MANEA: variants seen among roughly 807,000 people sequenced by gnomAD.
MANEA encodes mannosidase endo-alpha.
Under a neutral mutation model 36.8 loss-of-function variants are expected in MANEA, and 25 were observed. The ratio of observed to expected loss-of-function variants is 0.68; its 90% CI spans 0.50 to 0.95. MANEA has a LOEUF of 0.95. MANEA is among the 40% of genes least tolerant of loss of function. The pLI is 0.00. For missense variants in MANEA, 565 were observed against 558.8 expected, an observed-to-expected ratio of 1.01 and a Z score of -0.11; for synonymous variants, 198 against 188.5, an observed-to-expected ratio of 1.05 and a Z score of -0.41.
intron 1 of MANEA, among the ~76,000 whole-genome samples, chr6:95,578,010 G>T (rs1312204857): frequency 6.6e-6 from 1 of 152,212 alleles, no homozygotes; most frequent in African/African-American, 2.4e-5. Context: ...TCGGATGGAA[G>T]CCTTTTTCAG....
intron 2 of MANEA, among the ~76,000 whole-genome samples, chr6:95,591,094 T>G (rs1324583821): frequency 6.6e-6 from 1 of 152,242 alleles, no homozygotes; most frequent in Non-Finnish European, 1.5e-5. Context: ...AGTTTGCTGA[T>G]CACTCTTTTC....
At chr6:95,596,924 G>C in intron 3 of MANEA, 78 bp downstream of exon 3, 1 of 610,976 alleles carries the variant, frequency 1.6e-6, no homozygotes, top group South Asian at 2.9e-5. Context: ...TTTTGAAATA[G>C]TAATTTTAAT....
chr6:95,597,051 A>T (rs1769495557), intron 3 of MANEA, among the ~76,000 whole-genome samples: 1 of 151,904 alleles, frequency 6.6e-6, no homozygotes, highest in Non-Finnish European at 1.5e-5. Context: ...TATGTTTCTA[A>T]TGTTTTATTT....
intron 2 of MANEA, among the ~76,000 whole-genome samples, chr6:95,594,503 T>C (rs1562198482): frequency 6.6e-6 from 1 of 152,184 alleles, no homozygotes; most frequent in Admixed American, 6.5e-5. Context: ...ATGAAGGTAA[T>C]TTTTAGAAGT....
Position 95,606,663 on chromosome 6 carries a change from T to C in MANEA, c.*258T>C, listed in dbSNP as rs1177398158. On this transcript the variant is annotated 3_prime_UTR_variant, in exon 5 of 5. Coordinates refer to ENST00000358812, the MANE Select transcript of MANEA (RefSeq NM_024641.4). ...GCATTTCTGACTGAAATCAAAATTCTGATTTGATGGCAATTGAATTTTCAT... is the reference window on the plus strand; with the variant it reads ...GCATTTCTGACTGAAATCAAAATTCCGATTTGATGGCAATTGAATTTTCAT... 4.7e-6 allele frequency: 1 copy of C among 211,718 alleles called. No homozygotes were observed. The highest frequency in any genetic ancestry group is 2.3e-5 in the African/African-American group (1 of 43,342). 13.1% of individuals were successfully genotyped at this position (211,718 alleles called of 1,614,324 possible).
intron 2 of MANEA, among the ~76,000 whole-genome samples, chr6:95,596,492 C>T (rs560612393): frequency 6.6e-6 from 1 of 152,094 alleles, no homozygotes; most frequent in East Asian, 1.9e-4. Context: ...TTTATGTAAA[C>T]CTAAAACTTA....
intron 1 of MANEA, among the ~76,000 whole-genome samples, chr6:95,583,441 A>C (rs1263062184): frequency 6.6e-6 from 1 of 152,132 alleles, no homozygotes; most frequent in Admixed American, 6.5e-5. Context: ...ATATGCACAT[A>C]CACACGTTTA....
At chr6:95,603,559 T>C (rs1174099879) in intron 3 of MANEA, among the ~76,000 whole-genome samples, 2 of 151,940 alleles carry the variant, frequency 1.3e-5, no homozygotes, top group African/African-American at 4.8e-5. Flanking sequence ...TTTTTAAATA[T>C]TATTTAACTT....
chr6:95,599,453 T>G (rs1769548934), intron 3 of MANEA, among the ~76,000 whole-genome samples: 1 of 151,758 alleles, frequency 6.6e-6, no homozygotes, highest in Non-Finnish European at 1.5e-5. Flanking sequence ...TTCTTTTAAC[T>G]AGAGACCACT....
intron 3 of MANEA, 21 bp downstream of exon 3, chr6:95,596,867 G>A (rs772343724): frequency 5.3e-5 from 66 of 1,246,706 alleles, no homozygotes; most frequent in Non-Finnish European, 7.4e-5. Context: ...TTATTTTCAA[G>A]CTATACATAA....
chr6:95,587,014 T>G (rs779610366), intron 2 of MANEA, 31 bp downstream of exon 2: 15 of 1,296,082 alleles, frequency 1.2e-5, no homozygotes, highest in Non-Finnish European at 1.7e-5. Flanking sequence ...TATGTGTGTT[T>G]GTGTCTGTAT....
intron 1 of MANEA, among the ~76,000 whole-genome samples, chr6:95,578,493 TATAAA>T (rs1047403590): frequency 6.6e-6 from 1 of 152,086 alleles, no homozygotes; most frequent in African/African-American, 2.4e-5. Context: ...GAAACAAAAA[TATAAA>T]GTAAAACCTA....
In MANEA at chr6:95,605,933, A is replaced by G; in HGVS notation, c.917A>G (p.Glu306Gly). 7.4e-6 allele frequency: 12 copies of G among 1,614,062 alleles called. No individual in the cohort carries two copies. The highest frequency in any genetic ancestry group is 1.0e-5 in the Non-Finnish European group (12 of 1,179,972). ...DGLFIALLVE[E>G]KHKYDILQSG... is the part of the protein sequence containing the mutation. ...CTGTTTATTGCCCTTCTGGTAGAAG[A>G]AAAACATAAGTATGATATTCTTCAA... is the stretch of plus-strand genomic sequence containing the variant. The change falls in exon 5 of 5, where the codon GAA becomes GGA. Residue 306 changes from glutamate to glycine, a missense_variant. Transcript: ENST00000358812.
At chr6:95,587,249 A>G in intron 2 of MANEA, 1 of 397,816 alleles carries the variant, frequency 2.5e-6, no homozygotes. Flanking sequence ...TCTCAATTTT[A>G]TTAAATTATG....
intron 3 of MANEA, among the ~76,000 whole-genome samples, chr6:95,597,538 G>T (rs1351774940): frequency 6.6e-6 from 1 of 152,008 alleles, no homozygotes; most frequent in East Asian, 1.9e-4. Flanking sequence ...GTATTAGGTA[G>T]CAACATTAAT....
In MANEA at chr6:95,581,037, C is replaced by T. The variant is rs577206167; in HGVS notation, c.-39+3399C>T. 2.0e-5 allele frequency among the ~76,000 whole-genome samples: 3 copies of T among 152,284 alleles called. 1 individual carries two copies. The highest frequency in any genetic ancestry group is 1.9e-4 in the East Asian group (1 of 5,184). On this transcript the variant is annotated intron_variant, in intron 1 of 4. Transcript: ENST00000358812. ...AGAGTTTTACAATATTAACTAATTT[C>T]ATCCTCACAAAAATCCTATGAGTGA...
At chr6:95,584,027 C>G (rs773472127) in intron 1 of MANEA, among the ~76,000 whole-genome samples, 2 of 152,166 alleles carry the variant, frequency 1.3e-5, no homozygotes, top group African/African-American at 2.4e-5. Flanking sequence ...ACATTTATCA[C>G]TTCCCTAAGA....
At chr6:95,585,800 T>G (rs1488502770) in intron 1 of MANEA, among the ~76,000 whole-genome samples, 1 of 152,202 alleles carries the variant, frequency 6.6e-6, no homozygotes, top group Non-Finnish European at 1.5e-5. Context: ...GACTGGGTTT[T>G]TCATACACTA....
chr6:95,593,073 G>A (rs1388769709), intron 2 of MANEA, among the ~76,000 whole-genome samples: 1 of 152,164 alleles, frequency 6.6e-6, no homozygotes, highest in Admixed American at 6.5e-5. Flanking sequence ...AGTTTGCTAA[G>A]CAATTAGGAT....
Sources: allele counts gnomAD v4.1 joint callset (sites outside exome capture counted in the v4.1 genomes callset), GRCh38; gene constraint gnomAD v4.1.1; transcripts MANE v1.5; gene names NCBI Gene and HGNC (gene_info 2026-07-23, HGNC 2026-07-21).